LYSMD2: variants seen among roughly 807,000 people sequenced by gnomAD.
The protein encoded by LYSMD2 is LysM domain containing 2.
Under a neutral mutation model 17.7 loss-of-function variants are expected in LYSMD2, and 6 were observed. The ratio of observed to expected loss-of-function variants is 0.34; its 90% confidence interval spans 0.19 to 0.67. The LOEUF (loss-of-function observed/expected upper bound fraction) is 0.67, where lower values mean the gene tolerates loss of function less well. LYSMD2 is among the 30% of genes least tolerant of loss of function. LYSMD2 has a pLI of 0.69. For synonymous variants in LYSMD2, 102 were observed against 129.8 expected, an observed-to-expected ratio of 0.79 and a Z score of 1.45; for missense variants, 237 against 286.7, an observed-to-expected ratio of 0.83 and a Z score of 1.25.
intron 1 of LYSMD2, among the ~76,000 whole-genome samples, chr15:51,730,456 T>C (rs1176263451): frequency 1.3e-5 from 2 of 152,160 alleles, no homozygotes; most frequent in South Asian, 4.1e-4. Context: ...GTCAAGGCTG[T>C]AGTTAGCCAA....
chr15:51,747,588 C>T (rs1467119315), intron 1 of LYSMD2, among the ~76,000 whole-genome samples: 1 of 152,228 alleles, frequency 6.6e-6, no homozygotes, highest in Non-Finnish European at 1.5e-5. Context: ...GAATTTTTAA[C>T]AGCTGCTTTC....
In LYSMD2 at chr15:51,737,523, C is replaced by G; in HGVS notation, c.100G>C (p.Glu34Gln). 1 of 1,246,122 alleles carries G rather than the reference C, an allele frequency of 8.0e-7. No individual in the cohort carries two copies. Among genetic ancestry groups the G allele is most frequent in the Non-Finnish European group, 1.0e-6 (1 of 998,338 alleles). The allele number at this position is 1,246,122 out of a possible 1,614,324, so 77.2% of individuals were successfully genotyped here. A position where few individuals can be genotyped will look rare whatever the true frequency, so the allele number is the denominator to read the frequency against. The change falls in exon 1 of 3, where the codon GAG becomes CAG. Residue 34 changes from glutamate to glutamine, a missense_variant. Transcript: ENST00000267838. The surrounding 1 kb of genome is among the most constrained non-coding windows in gnomAD (Gnocchi z 4.2). The part of the protein sequence containing the change: ...SPPPRSRSGS[E>Q]SEEAELSLSL... ...AGCGACAGCTCGGCCTCCTCGGACTCGGAGCCGGAGCGCGAGCGCGGCGGC... is the reference window on the plus strand; with the variant it reads ...AGCGACAGCTCGGCCTCCTCGGACTGGGAGCCGGAGCGCGAGCGCGGCGGC...
chr15:51,730,790 A>G (rs952734400), intron 1 of LYSMD2, among the ~76,000 whole-genome samples: 4 of 152,224 alleles, frequency 2.6e-5, no homozygotes, highest in African/African-American at 9.6e-5. Context: ...GGCTTGCAGA[A>G]TGTTCTCATA....
chr15:51,723,576 A>G lies in LYSMD2; in HGVS notation c.*31T>C. On this transcript the variant is annotated 3_prime_UTR_variant, in exon 3 of 3. Coordinates refer to ENST00000267838, the MANE Select transcript of LYSMD2 (RefSeq NM_153374.3). Reference sequence around the variant, plus strand: ...ATTCTTTATGGTCCAAACATATCTTAATTTTGGTTAGAGTTATGCCCCCAA... The same window carrying G: ...ATTCTTTATGGTCCAAACATATCTTGATTTTGGTTAGAGTTATGCCCCCAA... 1 of 1,556,074 alleles carries G rather than the reference A, an allele frequency of 6.4e-7. No individual in the cohort carries two copies. Among genetic ancestry groups the G allele is most frequent in the Non-Finnish European group, 8.9e-7 (1 of 1,128,142 alleles).
At chr15:51,742,095 C>A (rs1035059264), upstream of LYSMD2, among the ~76,000 whole-genome samples, 1 of 151,632 alleles carries the variant, frequency 6.6e-6, no homozygotes, top group Non-Finnish European at 1.5e-5. Flanking sequence ...AGTGCAATGG[C>A]ACAATCTCCA....
At chr15:51,728,365 G>A (rs953442639) in intron 1 of LYSMD2, among the ~76,000 whole-genome samples, 5 of 150,906 alleles carry the variant, frequency 3.3e-5, no homozygotes, top group Non-Finnish European at 7.4e-5. Context: ...GTTGCACTGA[G>A]CCGAGATCAC....
chr15:51,724,725 G>T, intron 2 of LYSMD2, 65 bp downstream of exon 2: 1 of 970,984 alleles, frequency 1.0e-6, no homozygotes, highest in Non-Finnish European at 1.4e-6. Flanking sequence ...GAAAGATTTG[G>T]CCCAGCAAGG....
intron 1 of LYSMD2, among the ~76,000 whole-genome samples, chr15:51,725,474 AT>A (rs920938203): frequency 4.6e-5 from 7 of 151,958 alleles, no homozygotes; most frequent in South Asian, 2.1e-4. Flanking sequence ...CTATTATCTG[AT>A]TTTTTTTAAA....
At chr15:51,731,099 A>G (rs1368007619) in intron 1 of LYSMD2, among the ~76,000 whole-genome samples, 2 of 152,216 alleles carry the variant, frequency 1.3e-5, no homozygotes, top group Admixed American at 1.3e-4. Flanking sequence ...AGTGAGAGGA[A>G]TGGATGGGCA....
intron 1 of LYSMD2, among the ~76,000 whole-genome samples, chr15:51,733,518 A>G (rs1328559032): frequency 6.6e-6 from 1 of 151,974 alleles, no homozygotes; most frequent in Non-Finnish European, 1.5e-5. Context: ...ACTAGGGAGA[A>G]AGGCTACAAT....
In LYSMD2 at chr15:51,727,315, G is replaced by A. The variant is rs574043201; in HGVS notation, c.274-2194C>T. The stretch of plus-strand genomic sequence containing the variant: ...GTTGGTTTTCAAACAGCAGCAGAAC[G>A]ACCTTACCATAACCAGTGGCTGCAT... On this transcript the variant is annotated intron_variant, in intron 1 of 2. Coordinates refer to ENST00000267838, the MANE Select transcript of LYSMD2 (RefSeq NM_153374.3). Among the ~76,000 whole-genome samples the A allele has an allele frequency of 2.0e-5, 3 of 152,242 alleles. No homozygotes were observed. The East Asian group carries it at 5.8e-4, about 29-fold the overall frequency.
chr15:51,725,967 A>C (rs1403828361), intron 1 of LYSMD2, among the ~76,000 whole-genome samples: 1 of 152,208 alleles, frequency 6.6e-6, no homozygotes, highest in African/African-American at 2.4e-5. Context: ...ATGAAATCAC[A>C]TTATGGGGAG....
chr15:51,746,657 G>A (rs1256027957), intron 1 of LYSMD2, among the ~76,000 whole-genome samples: 1 of 152,056 alleles, frequency 6.6e-6, no homozygotes, highest in African/African-American at 2.4e-5. Flanking sequence ...GAAAGAGAGA[G>A]AATGGTTTAA....
chr15:51,737,459 G>A lies in LYSMD2; in HGVS notation c.164C>T (p.Thr55Ile), dbSNP rs1446352084. The A allele has an allele frequency of 7.0e-7, 1 of 1,426,278 alleles. No individual in the cohort carries two copies. The highest frequency in any genetic ancestry group is 9.2e-7 in the Non-Finnish European group (1 of 1,092,630). 88.4% of individuals were successfully genotyped at this position (1,426,278 alleles called of 1,614,324 possible). A position where few individuals can be genotyped will look rare whatever the true frequency, so the allele number is the denominator to read the frequency against. ...ARTKTRSYGSTASVRAPLGAG... is the reference protein window; with the variant it reads ...ARTKTRSYGSIASVRAPLGAG... ...GCCCAGCGGCGCCCGCACGCTGGCG[G>A]TGCTGCCGTACGAGCGGGTCTTGGT... Residue 55 changes from threonine to isoleucine, a missense_variant, in exon 1 of 3, where the codon ACC (threonine) becomes ATC (isoleucine). By Grantham distance (89) the Thr-to-Ile change is moderately conservative. Transcript: ENST00000267838. This position sits in a 1 kb window ranked among gnomAD's most constrained non-coding sequence, Gnocchi z 4.2.
upstream of LYSMD2, among the ~76,000 whole-genome samples, chr15:51,741,142 C>T (rs1021262921): frequency 2.0e-5 from 3 of 152,156 alleles, no homozygotes; most frequent in African/African-American, 7.2e-5. Flanking sequence ...AGACTTAAAA[C>T]TATGAGAACT....
At chr15:51,747,520 G>C (rs1262865813) in intron 1 of LYSMD2, among the ~76,000 whole-genome samples, 3 of 152,146 alleles carry the variant, frequency 2.0e-5, no homozygotes, top group African/African-American at 4.8e-5. Context: ...TTAGAAAACA[G>C]ACCTTAATAT....
At chr15:51,737,748 A>ACGGGAAGCCGAGG (rs2055621737), upstream of LYSMD2, 1 of 719,972 alleles carries the variant, frequency 1.4e-6, no homozygotes, top group Admixed American at 4.7e-5. The surrounding 1 kb of genome is among the most constrained non-coding windows in gnomAD (Gnocchi z 4.2). Flanking sequence ...GGGGCGGCGG[A>ACGGGAAGCCGAGG]CGGGAAGCCG....
intron 2 of LYSMD2, among the ~76,000 whole-genome samples, 163 bp downstream of exon 2, chr15:51,724,611 AAAGAAATTAAGAAAGG>A (rs58636074): frequency 6.8e-6 from 1 of 147,876 alleles, no homozygotes; most frequent in Non-Finnish European, 1.5e-5. Context: ...AGAAAGAAAG[AAAGAAATTAAGAAAGG>A]AAGAAATTAA....
intron 1 of LYSMD2, among the ~76,000 whole-genome samples, chr15:51,729,161 C>T (rs868826063): frequency 6.6e-6 from 1 of 152,348 alleles, no homozygotes; most frequent in African/African-American, 2.4e-5. Flanking sequence ...AGCAAATGCC[C>T]TGGGGCAGGA....
Sources: gnomAD v4.1 joint callset for allele counts (sites outside exome capture counted in the v4.1 genomes callset) on GRCh38, gnomAD v4.1.1 for gene constraint, Gnocchi (gnomAD v3.1) non-coding constraint, MANE v1.5 for transcripts, NCBI Gene and HGNC (gene_info 2026-07-23, HGNC 2026-07-21) for gene names.